Variants in UBAC2 observed in about 807,000 individuals in gnomAD.
UBAC2 encodes ubiquitin-associated domain-containing protein 2.
A neutral mutation model predicts 44.0 loss-of-function variants in UBAC2; 26 were observed. That is an observed-to-expected ratio of 0.59 (90% CI 0.43 to 0.82). UBAC2 has a LOEUF of 0.82. Ranked by LOEUF, UBAC2 falls within the 40% of genes least tolerant of loss-of-function variation. The pLI is 0.00. For synonymous variants in UBAC2, 155 were observed against 154.3 expected (o/e 1.00, Z -0.04); for missense variants, 329 against 419.4 (o/e 0.78, Z 1.88).
chr13:99,301,304 T>C (rs1284365391), intron 4 of UBAC2, among the ~76,000 whole-genome samples: 4 of 152,252 alleles, frequency 2.6e-5, no homozygotes, highest in Admixed American at 6.5e-5. Context: ...AAGGCTCCTG[T>C]ACCTTCTGCT....
At chr13:99,376,692 C>T (rs898424352) in intron 8 of UBAC2, among the ~76,000 whole-genome samples, 1 of 152,228 alleles carries the variant, frequency 6.6e-6, no homozygotes, top group Non-Finnish European at 1.5e-5. Context: ...GCGAACCCAA[C>T]TAGAGCTGGC....
At chr13:99,242,374 G>C (rs1441742510) in intron 2 of UBAC2, among the ~76,000 whole-genome samples, 28 of 146,222 alleles carry the variant, frequency 1.9e-4, no homozygotes, top group African/African-American at 6.3e-4. Context: ...TGTCCGGGCA[G>C]AGGGGCTCCT....
At chr13:99,350,517 A>G (rs1352596788) in intron 7 of UBAC2, among the ~76,000 whole-genome samples, 1 of 152,270 alleles carries the variant, frequency 6.6e-6, no homozygotes, top group Non-Finnish European at 1.5e-5. Flanking sequence ...GACAGGGTTT[A>G]GAGAACTTCC....
In UBAC2 at chr13:99,308,586, T is replaced by A. The variant is rs531459173; in HGVS notation, c.390-5511T>A. The A allele has an allele frequency of 2.0e-5, 3 of 152,346 alleles. No homozygotes were observed. The South Asian group carries it at 6.2e-4, about 32-fold the overall frequency. The allele number at this position is 152,346 out of a possible 1,614,324, so 9.4% of individuals were successfully genotyped here. On this transcript the variant is annotated intron_variant, in intron 4 of 8. Coordinates refer to ENST00000403766, the MANE Select transcript of UBAC2 (RefSeq NM_001144072.2). ...ATTTTGAGGGATGATGTAAACAGAA[T>A]TGAATCATTTGGTAGGAATTTGTAA...
chr13:99,279,795 T>A (rs1401519080), intron 4 of UBAC2, among the ~76,000 whole-genome samples: 1 of 152,162 alleles, frequency 6.6e-6, no homozygotes, highest in South Asian at 2.1e-4. Context: ...TGGGTTCCCT[T>A]TTATAAGGGC....
intron 4 of UBAC2, among the ~76,000 whole-genome samples, chr13:99,265,407 C>G (rs1214319651): frequency 6.6e-6 from 1 of 152,216 alleles, no homozygotes; most frequent in Admixed American, 6.5e-5. Context: ...AAAAGGTTCT[C>G]AGACTGTGTT....
At chr13:99,324,257 C>A (rs1267232215) in intron 6 of UBAC2, among the ~76,000 whole-genome samples, 41 of 152,166 alleles carry the variant, frequency 2.7e-4, no homozygotes, top group Admixed American at 2.5e-3. Flanking sequence ...GAAGCCCTCC[C>A]TATAGGGCCT....
At chr13:99,296,461 T>A (rs765129014) in intron 4 of UBAC2, among the ~76,000 whole-genome samples, 12 of 152,240 alleles carry the variant, frequency 7.9e-5, no homozygotes, top group Non-Finnish European at 1.6e-4. Context: ...CGCACTTTTG[T>A]GACAGAAGGG....
At chr13:99,377,241 A>T (rs551193757) in intron 8 of UBAC2, 1 of 152,542 alleles carries the variant, frequency 6.6e-6, no homozygotes, top group East Asian at 1.9e-4. Context: ...GGGAGACCAG[A>T]TCCATGCAAG....
chr13:99,368,886 C>T (rs1404574222), intron 8 of UBAC2, among the ~76,000 whole-genome samples: 14 of 151,674 alleles, frequency 9.2e-5, no homozygotes, highest in Admixed American at 9.2e-4. Context: ...GTGTAGGGAA[C>T]GTACAGGATA....
chr13:99,239,686 T>A (rs946269421), intron 2 of UBAC2, among the ~76,000 whole-genome samples: 1 of 152,208 alleles, frequency 6.6e-6, no homozygotes, highest in Admixed American at 6.5e-5. Context: ...CCTGCTTGGA[T>A]GGAAGAAGAC....
In UBAC2 at chr13:99,216,834, C is replaced by CCTTTTTTTT. The variant is rs2043000978; in HGVS notation, c.31+15895_31+15896insCTTTTTTTT. Among the ~76,000 whole-genome samples, 22 of 140,648 alleles carry CCTTTTTTTT rather than the reference C, an allele frequency of 1.6e-4. No homozygotes were observed. In the South Asian group the frequency reaches 5.0e-3, roughly 32 times the overall value. The allele number at this position is 140,648 out of a possible 152,430, so 92.3% of individuals were successfully genotyped here. A position where few individuals can be genotyped will look rare whatever the true frequency, so the allele number is the denominator to read the frequency against. On this transcript the variant is annotated intron_variant, in intron 1 of 8. Coordinates refer to ENST00000403766, the MANE Select transcript of UBAC2 (RefSeq NM_001144072.2). ...TTTTTGTTGGACTCTTTTCTTTTTT[C>CCTTTTTTTT]TTTTTTTTTTTTTGAGACGAAGTCT...
intron 1 of UBAC2, among the ~76,000 whole-genome samples, chr13:99,206,875 G>A (rs2042878789): frequency 6.6e-6 from 1 of 152,170 alleles, no homozygotes; most frequent in African/African-American, 2.4e-5. Context: ...GCCATCACCT[G>A]GGTGCTCCTT....
chr13:99,233,143 T>TA (rs972676429), intron 1 of UBAC2, among the ~76,000 whole-genome samples: 2 of 151,708 alleles, frequency 1.3e-5, no homozygotes, highest in Non-Finnish European at 2.9e-5. Flanking sequence ...GACGAAGTCT[T>TA]ACTCTGTTGC....
chr13:99,343,339 C>T (rs796198577), intron 7 of UBAC2, among the ~76,000 whole-genome samples: 8 of 151,596 alleles, frequency 5.3e-5, no homozygotes, highest in African/African-American at 1.9e-4. Flanking sequence ...TGTGGTTCTC[C>T]TTTCCTGCCT....
chr13:99,210,123 A>G lies in UBAC2; in HGVS notation c.31+9184A>G, dbSNP rs564433921. On this transcript the variant is annotated intron_variant, in intron 1 of 8. Coordinates refer to ENST00000403766, the MANE Select transcript of UBAC2 (RefSeq NM_001144072.2). ...TATAGGAAGTTTGGAAAATAGAAAA[A>G]AAACGGTCCTAGCATTTCATTTAAT... Among the ~76,000 whole-genome samples the G allele has an allele frequency of 5.9e-5, 9 of 152,344 alleles. No individual in the cohort carries two copies. In the South Asian group the frequency reaches 1.7e-3, roughly 28 times the overall value.
chr13:99,211,273 G>A (rs1044759011), intron 1 of UBAC2, among the ~76,000 whole-genome samples: 1 of 152,204 alleles, frequency 6.6e-6, no homozygotes, highest in African/African-American at 2.4e-5. Flanking sequence ...ATAGCTAGTA[G>A]TATGTGGAAG....
At chr13:99,263,450 G>A (rs895962167) in intron 4 of UBAC2, among the ~76,000 whole-genome samples, 2 of 152,206 alleles carry the variant, frequency 1.3e-5, no homozygotes, top group Non-Finnish European at 2.9e-5. Context: ...TAAAACCACA[G>A]CAGGGTATTA....
chr13:99,243,610 C>A (rs1295410261), intron 2 of UBAC2, among the ~76,000 whole-genome samples: 1 of 152,028 alleles, frequency 6.6e-6, no homozygotes, highest in Non-Finnish European at 1.5e-5. Flanking sequence ...TTCTTATAAG[C>A]ACAAAAAAAT....
Sources: gnomAD v4.1 joint callset for allele counts (sites outside exome capture counted in the v4.1 genomes callset) on GRCh38, gnomAD v4.1.1 for gene constraint, MANE v1.5 for transcripts, NCBI Gene and HGNC (gene_info 2026-07-23, HGNC 2026-07-21) for gene names.